The following DLGAP2 variants were observed in gnomAD, a reference collection of about 807,000 sequenced individuals.
The protein encoded by DLGAP2 is DLG associated protein 2.
DLGAP2 carries 26 observed loss-of-function variants against 100.3 expected under a neutral mutation model. The ratio of observed to expected loss-of-function variants is 0.26; its 90% CI spans 0.19 to 0.36. The LOEUF (loss-of-function observed/expected upper bound fraction) is 0.36. Among genes scored for constraint, DLGAP2 ranks in the 10% least tolerant of loss-of-function variants. The pLI is 1.00. For synonymous variants in DLGAP2, 886 were observed against 630.1 expected (o/e 1.41, Z -6.08); for missense variants, 1,858 against 1,453.2 (o/e 1.28, Z -4.53).
At chr8:1,266,124 AGAGACGC>A (rs1799445652) in intron 3 of DLGAP2, among the ~76,000 whole-genome samples, 1 of 152,262 alleles carries the variant, frequency 6.6e-6, no homozygotes, top group Non-Finnish European at 1.5e-5. Flanking sequence ...CAGGAAAAGC[AGAGACGC>A]TCTGAAAGGG....
chr8:792,382 T>C (rs1795930786), intron 1 of DLGAP2, among the ~76,000 whole-genome samples: 1 of 152,202 alleles, frequency 6.6e-6, no homozygotes, highest in Non-Finnish European at 1.5e-5. Flanking sequence ...ATACTCCTAG[T>C]TTTTGTCTTA....
At chr8:1,036,745 T>C (rs1219911436) in intron 2 of DLGAP2, among the ~76,000 whole-genome samples, 1 of 152,052 alleles carries the variant, frequency 6.6e-6, no homozygotes, top group Non-Finnish European at 1.5e-5. Context: ...TAGCGGAGCG[T>C]GGAGTGAACA....
At chr8:846,890 G>A (rs1033551992) in intron 1 of DLGAP2, among the ~76,000 whole-genome samples, 2 of 152,122 alleles carry the variant, frequency 1.3e-5, no homozygotes, top group Non-Finnish European at 2.9e-5. Context: ...GCTTGCTCTT[G>A]TTTTGTTTAG....
At chr8:902,408 G>A (rs966574279) in intron 1 of DLGAP2, among the ~76,000 whole-genome samples, 9 of 150,386 alleles carry the variant, frequency 6.0e-5, no homozygotes, top group Non-Finnish European at 1.0e-4. Context: ...AAGGAGTCAC[G>A]GTGTGCAGTT....
intron 6 of DLGAP2, among the ~76,000 whole-genome samples, chr8:1,626,204 C>G (rs1797492273): frequency 6.8e-6 from 1 of 147,408 alleles, no homozygotes; most frequent in South Asian, 2.2e-4. Flanking sequence ...GGTGCTCAGC[C>G]TCTGGGTGTG....
chr8:1,027,135 G>C (rs1362433113), intron 2 of DLGAP2, among the ~76,000 whole-genome samples: 1 of 151,982 alleles, frequency 6.6e-6, no homozygotes, highest in African/African-American at 2.4e-5. Flanking sequence ...TTACAGAAAA[G>C]GTATAAACAC....
intron 2 of DLGAP2, among the ~76,000 whole-genome samples, chr8:1,096,982 C>T (rs1379378542): frequency 2.9e-5 from 4 of 139,536 alleles, no homozygotes; most frequent in African/African-American, 1.1e-4. Context: ...ACCCCTCCAG[C>T]GTGAGACCCA....
rs75392921 is a variant in DLGAP2, at chr8:1,320,670, C to T, written c.106+61787C>T. 4.4e-3 allele frequency among the ~76,000 whole-genome samples: 664 copies of T among 152,304 alleles called. 3 individuals are homozygous for T. The highest frequency in any genetic ancestry group is 0.017 in the Middle Eastern group (5 of 294). On this transcript the variant is annotated intron_variant, in intron 3 of 14. Transcript: ENST00000637795. ...GTGTCCCCAAGCACGACATTCTCAC[C>T]TCTCTTAGCTTTGAACCAGCTGCCA...
chr8:1,413,195 G>C (rs1293595402), intron 3 of DLGAP2, among the ~76,000 whole-genome samples: 1 of 152,072 alleles, frequency 6.6e-6, no homozygotes, highest in Non-Finnish European at 1.5e-5. Flanking sequence ...CCTCCTCTCT[G>C]TAGCACCTTT....
intron 2 of DLGAP2, among the ~76,000 whole-genome samples, chr8:1,005,484 C>A (rs1801081811): frequency 7.3e-5 from 11 of 149,896 alleles, no homozygotes. Flanking sequence ...TGACAGCTCA[C>A]TGCAGCCTCA....
intron 3 of DLGAP2, among the ~76,000 whole-genome samples, chr8:1,459,774 C>T (rs546545116): frequency 6.7e-6 from 1 of 149,518 alleles, no homozygotes; most frequent in Non-Finnish European, 1.5e-5. Flanking sequence ...CAACCTCTGC[C>T]TCCCAGGTTC....
chr8:1,604,130 C>CT (rs1796718749), intron 6 of DLGAP2, among the ~76,000 whole-genome samples: 1 of 152,190 alleles, frequency 6.6e-6, no homozygotes, highest in Non-Finnish European at 1.5e-5. Context: ...TTTGTGGACA[C>CT]TGCAGACACT....
chr8:1,476,653 GGC>G (rs1798938102), intron 3 of DLGAP2, among the ~76,000 whole-genome samples: 2 of 152,094 alleles, frequency 1.3e-5, no homozygotes, highest in Admixed American at 6.6e-5. Flanking sequence ...CACCCGTGAT[GGC>G]TGACTGCTGT....
chr8:1,069,527 G>A (rs1803364209), intron 2 of DLGAP2, among the ~76,000 whole-genome samples: 1 of 152,110 alleles, frequency 6.6e-6, no homozygotes. Flanking sequence ...CGGTTTCTGG[G>A]GAGAACAGTG....
intron 2 of DLGAP2, among the ~76,000 whole-genome samples, chr8:1,125,326 A>C (rs948091656): frequency 6.6e-6 from 1 of 152,190 alleles, no homozygotes; most frequent in Non-Finnish European, 1.5e-5. Flanking sequence ...TCGAAATTCT[A>C]CTGCATCCCG....
chr8:1,475,842 G>C (rs574829513), intron 3 of DLGAP2, among the ~76,000 whole-genome samples: 15 of 152,226 alleles, frequency 9.9e-5, no homozygotes, highest in African/African-American at 3.6e-4. Flanking sequence ...CAAATGGAAA[G>C]GTTCAATTTT....
intron 6 of DLGAP2, among the ~76,000 whole-genome samples, chr8:1,574,551 T>G (rs1802885543): frequency 6.6e-6 from 1 of 152,196 alleles, no homozygotes; most frequent in South Asian, 2.1e-4. Flanking sequence ...TGATGAGTCC[T>G]GTGTGTGGTC....
intron 2 of DLGAP2, among the ~76,000 whole-genome samples, chr8:1,096,367 T>C (rs1490174410): frequency 9.2e-5 from 14 of 152,228 alleles, no homozygotes; most frequent in Admixed American, 9.2e-4. Flanking sequence ...CCGGGGCATG[T>C]TCATCATCAA....
Position 1,273,070 on chromosome 8 carries a change from G to A in DLGAP2, c.106+14187G>A, listed in dbSNP as rs1016789665. On this transcript the variant is annotated intron_variant, in intron 3 of 14. Coordinates refer to ENST00000637795, the MANE Select transcript of DLGAP2 (RefSeq NM_001346810.2). Reference sequence around the variant, plus strand: ...TGACCACTGGGGTTGATCCTGGTCCGGGTCCTGAATTTTTACCTCAGGCCC... The same window carrying A: ...TGACCACTGGGGTTGATCCTGGTCCAGGTCCTGAATTTTTACCTCAGGCCC... Among the ~76,000 whole-genome samples the A allele has an allele frequency of 2.0e-5, 3 of 152,060 alleles. No individual in the cohort carries two copies. In the East Asian group the frequency reaches 5.8e-4, roughly 29 times the overall value.
Sources: gnomAD v4.1 joint callset for allele counts (sites outside exome capture counted in the v4.1 genomes callset) on GRCh38, gnomAD v4.1.1 for gene constraint, MANE v1.5 for transcripts, NCBI Gene and HGNC (gene_info 2026-07-23, HGNC 2026-07-21) for gene names.